MYT1L: variants seen among roughly 807,000 people sequenced by gnomAD.
The protein encoded by MYT1L is myelin transcription factor 1 like.
MYT1L carries 12 observed loss-of-function variants against 126.7 expected under a neutral mutation model. That is an observed-to-expected ratio of 0.09 (90% CI 0.06 to 0.15). The LOEUF (loss-of-function observed/expected upper bound fraction) is 0.15, where lower values mean the gene tolerates loss of function less well. Ranked by LOEUF, MYT1L falls within the 10% of genes least tolerant of loss-of-function variation. The pLI is 1.00. For missense variants in MYT1L, 979 were observed against 1,585.2 expected (o/e 0.62, Z 6.49); for synonymous variants, 541 against 604.2 (o/e 0.90, Z 1.53).
intron 2 of MYT1L, among the ~76,000 whole-genome samples, chr2:2,209,886 T>C (rs148145014): frequency 2.0e-5 from 3 of 152,308 alleles, no homozygotes; most frequent in Non-Finnish European, 2.9e-5. Flanking sequence ...CTGTTCTCCA[T>C]AGTGGTTGTA....
chr2:2,175,323 C>G (rs190286561), intron 2 of MYT1L, among the ~76,000 whole-genome samples: 8 of 152,146 alleles, frequency 5.3e-5, no homozygotes, highest in Non-Finnish European at 7.4e-5. Flanking sequence ...CATTGCTTTT[C>G]TAAGATTTCT....
chr2:1,952,833 TTCCCTTACCTTTGCCTTCCCTTAC>T (rs1558517633), intron 8 of MYT1L, among the ~76,000 whole-genome samples: 153 of 63,652 alleles, frequency 2.4e-3, no homozygotes, highest in Non-Finnish European at 2.9e-3. Context: ...CCCTCCCTCC[TTCCCTTACCTTTGCCTTCCCTTAC>T]CTCCTTCTTT....
intron 21 of MYT1L, among the ~76,000 whole-genome samples, chr2:1,826,655 G>A (rs1308653423): frequency 1.3e-5 from 2 of 152,312 alleles, no homozygotes; most frequent in African/African-American, 2.4e-5. Flanking sequence ...CTTTTAGGAC[G>A]CAGCACCGGG....
In MYT1L at chr2:1,894,266, G is replaced by A. The variant is rs192120263; in HGVS notation, c.2033-1979C>T. ...TCTAGGGAGCCCAGCAGTGCAGGGC[G>A]GGGTGGGCAGTGGCTGCTGGTCTGA... On this transcript the variant is annotated intron_variant, in intron 14 of 24. Coordinates refer to ENST00000647738, the MANE Select transcript of MYT1L (RefSeq NM_001303052.2). 1.6e-3 allele frequency among the ~76,000 whole-genome samples: 251 copies of A among 152,262 alleles called. 1 individual carries two copies. The highest frequency in any genetic ancestry group is 5.8e-3 in the African/African-American group (240 of 41,552).
chr2:2,266,343 A>G (rs376378143), intron 2 of MYT1L, among the ~76,000 whole-genome samples: 1 of 152,200 alleles, frequency 6.6e-6, no homozygotes, highest in Non-Finnish European at 1.5e-5. Context: ...TGGAATTTGC[A>G]TCAGGAGCAG....
chr2:2,111,126 G>C (rs1438172903), intron 3 of MYT1L, among the ~76,000 whole-genome samples: 1 of 152,192 alleles, frequency 6.6e-6, no homozygotes, highest in Non-Finnish European at 1.5e-5. Flanking sequence ...GAGGGTGTCA[G>C]CTCTAAAAAG....
At chr2:1,970,854 T>G (rs1043626979) in intron 8 of MYT1L, among the ~76,000 whole-genome samples, 4 of 152,218 alleles carry the variant, frequency 2.6e-5, no homozygotes, top group African/African-American at 9.7e-5. Flanking sequence ...ATTGTATATT[T>G]TTTAATTATT....
At chr2:2,221,249 G>T (rs528121107) in intron 2 of MYT1L, among the ~76,000 whole-genome samples, 6 of 152,218 alleles carry the variant, frequency 3.9e-5, no homozygotes, top group African/African-American at 1.4e-4. Flanking sequence ...CAGACTGGGA[G>T]CCGCTGGCAT....
At chr2:1,993,743 G>T (rs531058596) in intron 5 of MYT1L, among the ~76,000 whole-genome samples, 2 of 152,024 alleles carry the variant, frequency 1.3e-5, no homozygotes, top group Admixed American at 1.3e-4. Flanking sequence ...AACATTCCAC[G>T]CCCTTTTTAG....
At chr2:2,121,859 G>A (rs936833030) in intron 3 of MYT1L, among the ~76,000 whole-genome samples, 1 of 152,212 alleles carries the variant, frequency 6.6e-6, no homozygotes, top group African/African-American at 2.4e-5. Context: ...GGAGGGGGCT[G>A]CGGTCGCCTG....
chr2:2,032,687 C>T (rs2066476399), intron 4 of MYT1L, among the ~76,000 whole-genome samples: 1 of 113,190 alleles, frequency 8.8e-6, no homozygotes, highest in Admixed American at 9.1e-5. Context: ...CTCGCAAGTG[C>T]CTCTCATCCT....
chr2:2,011,972 C>T (rs2063869535), intron 4 of MYT1L, among the ~76,000 whole-genome samples: 1 of 152,188 alleles, frequency 6.6e-6, no homozygotes, highest in South Asian at 2.1e-4. Context: ...AACATGCCTA[C>T]GTTGCTGGTG....
chr2:1,872,682 T>C (rs193158738), intron 18 of MYT1L, among the ~76,000 whole-genome samples: 5 of 152,376 alleles, frequency 3.3e-5, no homozygotes, highest in Admixed American at 3.3e-4. Flanking sequence ...TAATTATCTT[T>C]GTCCTCTTTT....
intron 3 of MYT1L, among the ~76,000 whole-genome samples, chr2:2,114,220 G>A (rs2079900791): frequency 6.6e-6 from 1 of 152,148 alleles, no homozygotes; most frequent in South Asian, 2.1e-4. Context: ...GCTATTTCCT[G>A]GTATAGACTA....
chr2:2,250,786 C>A (rs1244416521), intron 2 of MYT1L, among the ~76,000 whole-genome samples: 1 of 151,930 alleles, frequency 6.6e-6, no homozygotes, highest in Non-Finnish European at 1.5e-5. Flanking sequence ...ATATATATAC[C>A]TACCATGTAC....
At chr2:1,842,887 C>CCGCTTCCAGGCGCTTT (rs2041965561) in intron 19 of MYT1L, 1 of 167,988 alleles carries the variant, frequency 6.0e-6, no homozygotes, top group African/African-American at 2.5e-5. Flanking sequence ...CCAGGCGCTT[C>CCGCTTCCAGGCGCTTT]CGCTTCCAGG....
intron 21 of MYT1L, among the ~76,000 whole-genome samples, chr2:1,832,333 A>G (rs913022421): frequency 1.3e-5 from 2 of 152,146 alleles, no homozygotes; most frequent in African/African-American, 4.8e-5. Flanking sequence ...CAGCCCAGGG[A>G]CAGGGGATAG....
In MYT1L at chr2:1,956,437, T is replaced by TCTATCTAC. The variant is rs1369094397; in HGVS notation, c.153-13104_153-13103insGTAGATAG. Among the ~76,000 whole-genome samples the TCTATCTAC allele has an allele frequency of 1.0e-4, 7 of 68,686 alleles. 1 individual carries two copies. Among genetic ancestry groups the TCTATCTAC allele is most frequent in the Non-Finnish European group, 1.6e-4 (6 of 36,490 alleles). 45.1% of individuals were successfully genotyped at this position (68,686 alleles called of 152,430 possible). On this transcript the variant is annotated intron_variant, in intron 8 of 24. Transcript: ENST00000647738. ...ATCTATCTATCTATCTATCTATCTA[T>TCTATCTAC]CTACCTATCATCTATCTATCCTATT...
chr2:1,941,280 C>T (rs192625777), intron 9 of MYT1L, among the ~76,000 whole-genome samples: 105 of 152,234 alleles, frequency 6.9e-4, no homozygotes, highest in African/African-American at 2.4e-3. Flanking sequence ...CTTAATCCGT[C>T]GCACCAAACA....
Sources: gnomAD v4.1 joint callset for allele counts (sites outside exome capture counted in the v4.1 genomes callset) on GRCh38, gnomAD v4.1.1 for gene constraint, MANE v1.5 for transcripts, NCBI Gene and HGNC (gene_info 2026-07-23, HGNC 2026-07-21) for gene names.